ITSN1: variants seen among roughly 807,000 people sequenced by gnomAD.
ITSN1 encodes the protein intersectin-1.
ITSN1 carries 58 observed loss-of-function variants against 239.8 expected under a neutral mutation model. The observed-to-expected ratio is 0.24, with a 90% CI of 0.20 to 0.30. The LOEUF (loss-of-function observed/expected upper bound fraction) is 0.30, where lower values mean the gene tolerates loss of function less well. Ranked by LOEUF, ITSN1 falls within the 10% of genes least tolerant of loss-of-function variation. The pLI is 1.00. For missense variants in ITSN1, 1,558 were observed against 2,103.3 expected (o/e 0.74, Z 5.07); for synonymous variants, 780 against 770.8 (o/e 1.01, Z -0.20).
chr21:33,771,882 T>C (rs1270800987), intron 11 of ITSN1, among the ~76,000 whole-genome samples, 179 bp from the exon 12 acceptor site: 1 of 152,182 alleles, frequency 6.6e-6, no homozygotes, highest in Non-Finnish European at 1.5e-5. Context: ...GGAGAAGATA[T>C]AAACAGAGAG....
rs540396848 is a variant in ITSN1, at chr21:33,829,442, G to A, written c.3230-182G>A. On this transcript the variant is annotated intron_variant, in intron 26 of 39. Coordinates refer to ENST00000381318, the MANE Select transcript of ITSN1 (RefSeq NM_003024.3). ...AGGATCAGCCAGGCCCTTGAATGCC[G>A]TGTCTGCCTGGTAGCTCTGGGAACG... The A allele has an allele frequency of 7.9e-4, 500 of 636,638 alleles. 1 individual carries two copies. The highest frequency in any genetic ancestry group is 9.7e-4 in the Non-Finnish European group (352 of 362,852). The allele number at this position is 636,638 out of a possible 1,614,324, so 39.4% of individuals were successfully genotyped here.
intron 1 of ITSN1, among the ~76,000 whole-genome samples, chr21:33,645,679 T>G (rs933561544): frequency 1.3e-5 from 2 of 151,996 alleles, no homozygotes; most frequent in Non-Finnish European, 2.9e-5. Flanking sequence ...AATAAATACA[T>G]AAAAATAAAT....
At chr21:33,646,186 C>A (rs1051668653) in intron 1 of ITSN1, among the ~76,000 whole-genome samples, 1 of 152,268 alleles carries the variant, frequency 6.6e-6, no homozygotes, top group Middle Eastern at 3.4e-3. Context: ...AAGCACTATA[C>A]CCCAGTGACT....
At chr21:33,867,370 T>G (rs1227706283) in intron 33 of ITSN1, 39 bp downstream of exon 33, 2 of 1,122,354 alleles carry the variant, frequency 1.8e-6, no homozygotes, top group African/African-American at 3.1e-5. Flanking sequence ...GGGGACGGCT[T>G]TCTCTGCATT....
chr21:33,744,091 TGAG>T lies in ITSN1; in HGVS notation c.347-6045_347-6043del, dbSNP rs370223144. On this transcript the variant is annotated intron_variant, in intron 5 of 39. Transcript: ENST00000381318. ...TGTAGAGCTAAGACTGAAGGAAGGC[TGAG>T]GAGGAGAGAGTATCGGATGTAATTC... is the stretch of plus-strand genomic sequence containing the variant. Among the ~76,000 whole-genome samples, 23 of 152,236 alleles carry T rather than the reference TGAG, an allele frequency of 1.5e-4. No individual in the cohort carries two copies. The East Asian group carries it at 4.2e-3, about 28-fold the overall frequency.
At chr21:33,853,582 G>A (rs944779422) in intron 29 of ITSN1, among the ~76,000 whole-genome samples, 3 of 152,170 alleles carry the variant, frequency 2.0e-5, no homozygotes, top group Admixed American at 1.3e-4. Flanking sequence ...CCTTCTTTCC[G>A]ATTCCTCATC....
chr21:33,672,458 T>TA (rs200375181), intron 1 of ITSN1, among the ~76,000 whole-genome samples: 2 of 151,890 alleles, frequency 1.3e-5, no homozygotes, highest in East Asian at 1.9e-4. Flanking sequence ...ATGGCCATTA[T>TA]AAAAAAAGAC....
At chr21:33,657,395 C>T (rs1329253461) in intron 1 of ITSN1, among the ~76,000 whole-genome samples, 1 of 152,184 alleles carries the variant, frequency 6.6e-6, no homozygotes. Flanking sequence ...TATTTCCTTG[C>T]CCTGTTGCTC....
At chr21:33,787,740 CAGAA>C (rs1483918004) in intron 16 of ITSN1, among the ~76,000 whole-genome samples, 25 of 152,090 alleles carry the variant, frequency 1.6e-4, no homozygotes, top group African/African-American at 6.0e-4. Flanking sequence ...GAGAAAGACT[CAGAA>C]AGAGGAGGCA....
chr21:33,684,405 A>G (rs1163403207), intron 1 of ITSN1, among the ~76,000 whole-genome samples: 1 of 152,222 alleles, frequency 6.6e-6, no homozygotes, highest in African/African-American at 2.4e-5. Flanking sequence ...GATCCTAAAA[A>G]TGAAAGTTTT....
chr21:33,799,972 A>T, intron 19 of ITSN1, 43 bp downstream of exon 19: 3 of 1,594,702 alleles, frequency 1.9e-6, no homozygotes, highest in Non-Finnish European at 2.6e-6. Flanking sequence ...GTTGAAGATT[A>T]GCCTCTGTCC....
At chr21:33,834,234 C>A in intron 27 of ITSN1, 73 bp from the exon 28 acceptor site, 1 of 1,025,176 alleles carries the variant, frequency 9.8e-7, no homozygotes, top group Non-Finnish European at 1.5e-6. Flanking sequence ...TACATAAGTG[C>A]TCTGTTATAA....
intron 27 of ITSN1, among the ~76,000 whole-genome samples, 178 bp downstream of exon 27, chr21:33,829,923 G>A (rs541541407): frequency 8.5e-5 from 13 of 152,234 alleles, no homozygotes; most frequent in African/African-American, 1.7e-4. Context: ...TCAGACAGCC[G>A]GTAACAGATT....
chr21:33,887,598 TA>T (rs1985992041), intron 39 of ITSN1, among the ~76,000 whole-genome samples: 2 of 126,454 alleles, frequency 1.6e-5, no homozygotes, highest in Admixed American at 8.2e-5. Context: ...TTTTTCTTTT[TA>T]TTTTTTTTAT....
chr21:33,746,771 G>T (rs1211712365), intron 5 of ITSN1, among the ~76,000 whole-genome samples: 1 of 152,168 alleles, frequency 6.6e-6, no homozygotes, highest in Non-Finnish European at 1.5e-5. Context: ...GAAGCCGGGA[G>T]GCAGAGGTTA....
intron 26 of ITSN1, among the ~76,000 whole-genome samples, chr21:33,827,243 T>C (rs1051376186): frequency 2.8e-4 from 42 of 151,646 alleles, no homozygotes; most frequent in Admixed American, 1.8e-3. Context: ...TACCAAAAAA[T>C]AGAAAAATTA....
chr21:33,821,554 G>C (rs1362453598), intron 24 of ITSN1, among the ~76,000 whole-genome samples: 2 of 152,128 alleles, frequency 1.3e-5, no homozygotes, highest in African/African-American at 4.8e-5. Flanking sequence ...CCTGAGAAGG[G>C]GTAGCTAAAG....
At chr21:33,660,832 A>G (rs1043255290) in intron 1 of ITSN1, among the ~76,000 whole-genome samples, 1 of 152,180 alleles carries the variant, frequency 6.6e-6, no homozygotes, top group African/African-American at 2.4e-5. Flanking sequence ...CTGTTGATCC[A>G]TCCTATACTT....
At chr21:33,884,790 A>G (rs1308007205) in intron 36 of ITSN1, among the ~76,000 whole-genome samples, 2 of 152,126 alleles carry the variant, frequency 1.3e-5, no homozygotes, top group African/African-American at 4.8e-5. Flanking sequence ...AGCATCTATC[A>G]CAGATTTTCT....
Sources: allele counts gnomAD v4.1 joint callset (sites outside exome capture counted in the v4.1 genomes callset), GRCh38; gene constraint gnomAD v4.1.1; transcripts MANE v1.5; gene names NCBI Gene and HGNC (gene_info 2026-07-23, HGNC 2026-07-21).